The following SLC38A1 variants were observed in gnomAD, a reference collection of about 807,000 sequenced individuals.
SLC38A1 encodes solute carrier family 38 member 1.
A neutral mutation model predicts 60.3 loss-of-function variants in SLC38A1; 18 were observed. The observed-to-expected ratio is 0.30, with a 90% CI of 0.21 to 0.44. The LOEUF (loss-of-function observed/expected upper bound fraction) is 0.44, where lower values mean the gene tolerates loss of function less well. Among genes scored for constraint, SLC38A1 ranks in the 20% least tolerant of loss-of-function variants. The pLI is 1.00. For synonymous variants in SLC38A1, 196 were observed against 212.1 expected (o/e 0.92, Z 0.66); for missense variants, 448 against 587.2 (o/e 0.76, Z 2.45).
Position 46,229,651 on chromosome 12 carries a change from T to A in SLC38A1, c.123-12A>T, listed in dbSNP as rs760633634. 2 of 1,606,582 alleles carry A rather than the reference T, an allele frequency of 1.2e-6. No individual in the cohort carries two copies. Among genetic ancestry groups the A allele is most frequent in the Non-Finnish European group, 1.7e-6 (2 of 1,173,758 alleles). Reference sequence around the variant, plus strand: ...CAGAAATAAACTTGCTGTAAAGACATGCGTAATATATTTAACCTTATGATA... The same window carrying A: ...CAGAAATAAACTTGCTGTAAAGACAAGCGTAATATATTTAACCTTATGATA... On this transcript the variant is annotated splice_polypyrimidine_tract_variant and intron_variant, in intron 3 of 16. Transcript: ENST00000398637.
intron 3 of SLC38A1, among the ~76,000 whole-genome samples, chr12:46,230,877 G>C (rs776705789): frequency 3.3e-5 from 5 of 152,136 alleles, no homozygotes; most frequent in Non-Finnish European, 5.9e-5. Flanking sequence ...AGTCTCTATG[G>C]AAAACAGTAT....
intron 1 of SLC38A1, among the ~76,000 whole-genome samples, 152 bp from the exon 2 acceptor site, chr12:46,243,466 C>A (rs1565787564): frequency 6.6e-6 from 1 of 151,986 alleles, no homozygotes; most frequent in Non-Finnish European, 1.5e-5. Context: ...AGGTCTACAC[C>A]ATTACTGTTG....
intron 13 of SLC38A1, among the ~76,000 whole-genome samples, chr12:46,199,428 C>T (rs1446277655): frequency 6.6e-6 from 1 of 151,474 alleles, no homozygotes; most frequent in Non-Finnish European, 1.5e-5. Context: ...TGGCTCACTG[C>T]AACCTCTGCT....
intron 1 of SLC38A1, among the ~76,000 whole-genome samples, chr12:46,253,732 T>C (rs150608730): frequency 1.3e-5 from 2 of 152,326 alleles, no homozygotes; most frequent in African/African-American, 4.8e-5. Flanking sequence ...AAAATGGAGT[T>C]GCTCTGGTTC....
At chr12:46,211,660 G>A (rs754302055) in intron 5 of SLC38A1, among the ~76,000 whole-genome samples, 1 of 152,192 alleles carries the variant, frequency 6.6e-6, no homozygotes, top group Non-Finnish European at 1.5e-5. Context: ...GGAGAAAAGT[G>A]TTGATTAGGG....
chr12:46,213,077 T>C (rs1940246856), intron 5 of SLC38A1, among the ~76,000 whole-genome samples: 2 of 152,264 alleles, frequency 1.3e-5, no homozygotes, highest in Non-Finnish European at 2.9e-5. Context: ...ATCTCAGTCA[T>C]GGTCCAGTTC....
chr12:46,228,276 TCA>T (rs1464823194), intron 5 of SLC38A1, among the ~76,000 whole-genome samples: 1 of 152,208 alleles, frequency 6.6e-6, no homozygotes, highest in Non-Finnish European at 1.5e-5. Context: ...TTCTTTTATC[TCA>T]GTTTTTGATG....
In SLC38A1 at chr12:46,183,715, C is replaced by G. The variant is rs1184506696; in HGVS notation, c.*5255G>C. The G allele has an allele frequency of 6.6e-6, 1 of 152,158 alleles. No homozygotes were observed. The highest frequency in any genetic ancestry group is 1.5e-5 in the Non-Finnish European group (1 of 68,018). The allele number at this position is 152,158 out of a possible 1,614,324, so 9.4% of individuals were successfully genotyped here. The stretch of plus-strand genomic sequence containing the variant: ...AGGATTTGTGTCTAAATATTCCTTA[C>G]TTGTATCTCAGAGGACTATCTGTTA... On this transcript the variant is annotated 3_prime_UTR_variant, in exon 17 of 17. Coordinates refer to ENST00000398637, the MANE Select transcript of SLC38A1 (RefSeq NM_030674.4).
Position 46,246,246 on chromosome 12 carries a change from G to A in SLC38A1, c.-208-2932C>T, listed in dbSNP as rs528507784. Among the ~76,000 whole-genome samples the A allele has an allele frequency of 7.9e-5, 12 of 152,306 alleles. No homozygotes were observed. The South Asian group carries it at 1.7e-3, about 21-fold the overall frequency. ...TGCAAGGGGTCTGGGAATTTCCCTC[G>A]TCAGGCCAAGGGAAGCCGTGACAGA... On this transcript the variant is annotated intron_variant, in intron 1 of 16. Transcript: ENST00000398637.
intron 5 of SLC38A1, among the ~76,000 whole-genome samples, chr12:46,215,243 A>G (rs1940353288): frequency 6.6e-6 from 1 of 152,174 alleles, no homozygotes; most frequent in African/African-American, 2.4e-5. Flanking sequence ...GTGCTGTGCC[A>G]ACACTGCAGC....
intron 1 of SLC38A1, among the ~76,000 whole-genome samples, chr12:46,248,334 G>C (rs542379192): frequency 6.6e-6 from 1 of 152,190 alleles, no homozygotes; most frequent in Non-Finnish European, 1.5e-5. Flanking sequence ...TATAGGGATG[G>C]AGGAAGATCT....
At chr12:46,202,102 G>A (rs1452061309) in intron 12 of SLC38A1, among the ~76,000 whole-genome samples, 2 of 151,188 alleles carry the variant, frequency 1.3e-5, no homozygotes, top group South Asian at 2.1e-4. Flanking sequence ...TGAGGTGGGA[G>A]GATTGCTTGA....
At position 46,250,571 on chromosome 12, in the gene SLC38A1, T is replaced by C. The variant is rs1941800512; in HGVS notation, c.-208-7257A>G. Among the ~76,000 whole-genome samples the C allele has an allele frequency of 2.0e-5, 3 of 152,206 alleles. No homozygotes were observed. In the South Asian group the frequency reaches 6.2e-4, roughly 31 times the overall value. On this transcript the variant is annotated intron_variant, in intron 1 of 16. Transcript: ENST00000398637. ...CTGTCCCTATTTGCAGATGACATGA[T>C]TGTATATTTAGAAAACCCCTTCATC...
At chr12:46,212,455 A>G (rs1201414416) in intron 5 of SLC38A1, among the ~76,000 whole-genome samples, 1 of 152,230 alleles carries the variant, frequency 6.6e-6, no homozygotes. Flanking sequence ...AGCAATTGAT[A>G]ATAGGGCTGC....
intron 5 of SLC38A1, among the ~76,000 whole-genome samples, chr12:46,215,118 T>C (rs1025141483): frequency 1.1e-4 from 17 of 152,216 alleles, no homozygotes; most frequent in African/African-American, 4.1e-4. Flanking sequence ...CTGACCTCCC[T>C]GGAAGCAGCA....
At chr12:46,244,232 C>G (rs1041171174) in intron 1 of SLC38A1, among the ~76,000 whole-genome samples, 1 of 152,092 alleles carries the variant, frequency 6.6e-6, no homozygotes, top group African/African-American at 2.4e-5. Flanking sequence ...TCAGGTAAGT[C>G]TTAATTTAAT....
intron 5 of SLC38A1, among the ~76,000 whole-genome samples, chr12:46,217,539 T>A (rs1269690209): frequency 6.6e-6 from 1 of 152,242 alleles, no homozygotes; most frequent in Non-Finnish European, 1.5e-5. Flanking sequence ...ACTTTTCAAG[T>A]GACAGTATTA....
intron 8 of SLC38A1, among the ~76,000 whole-genome samples, 197 bp from the exon 9 acceptor site, chr12:46,206,359 G>T (rs1417632377): frequency 6.7e-6 from 1 of 149,648 alleles, no homozygotes; most frequent in Non-Finnish European, 1.5e-5. Context: ...TCACTCCCCT[G>T]TAATGGAAGA....
chr12:46,201,306 G>T, intron 12 of SLC38A1, 108 bp from the exon 13 acceptor site: 1 of 860,716 alleles, frequency 1.2e-6, no homozygotes, highest in Non-Finnish European at 1.8e-6. Context: ...GGTTAGGGAA[G>T]ATCTGAACAG....
Sources: gnomAD v4.1 joint callset for allele counts (sites outside exome capture counted in the v4.1 genomes callset) on GRCh38, gnomAD v4.1.1 for gene constraint, MANE v1.5 for transcripts, NCBI Gene and HGNC (gene_info 2026-07-23, HGNC 2026-07-21) for gene names.